The following RNF149 variants were observed in gnomAD, a reference collection of about 807,000 sequenced individuals.
The protein encoded by RNF149 is ring finger protein 149, also known as E3 ubiquitin-protein ligase RNF149.
Under a neutral mutation model 39.0 loss-of-function variants are expected in RNF149, and 21 were observed. That is an observed-to-expected ratio of 0.54 (90% confidence interval 0.38 to 0.77). The LOEUF (loss-of-function observed/expected upper bound fraction) is 0.77. RNF149 is among the 30% of genes least tolerant of loss of function. The pLI, the probability that RNF149 is intolerant of heterozygous loss-of-function variation, is 0.00. For missense variants in RNF149, 493 were observed against 534.9 expected, an observed-to-expected ratio of 0.92 and a Z score of 0.77; for synonymous variants, 209 against 213.6, an observed-to-expected ratio of 0.98 and a Z score of 0.19.
intron 3 of RNF149, 39 bp downstream of exon 3, chr2:101,293,975 C>A: frequency 7.9e-7 from 1 of 1,258,960 alleles, no homozygotes; most frequent in South Asian, 1.3e-5. Context: ...ATTCTCTACT[C>A]TAAACCACAA....
At position 101,276,774 on chromosome 2, in the gene RNF149, A is replaced by G. The variant is rs1023248949; in HGVS notation, c.*464T>C. ...CAGTTTACAAGTTTCAAGTTCTTAA[A>G]AAAAAAACAACAAAAAAAACCTTTC... is the stretch of plus-strand genomic sequence containing the variant. On this transcript the variant is annotated 3_prime_UTR_variant, in exon 7 of 7. Coordinates refer to ENST00000295317, the MANE Select transcript of RNF149 (RefSeq NM_173647.4). 2.0e-6 allele frequency: 2 copies of G among 990,178 alleles called. No individual in the cohort carries two copies. The highest frequency in any genetic ancestry group is 2.4e-6 in the Non-Finnish European group (2 of 832,658). 61.3% of individuals were successfully genotyped at this position (990,178 alleles called of 1,614,324 possible). A position where few individuals can be genotyped will look rare whatever the true frequency, so the allele number is the denominator to read the frequency against.
intron 1 of RNF149, among the ~76,000 whole-genome samples, chr2:101,297,424 C>G (rs942395991): frequency 6.6e-6 from 1 of 152,052 alleles, no homozygotes; most frequent in Non-Finnish European, 1.5e-5. Flanking sequence ...TGGTGGGATC[C>G]TAGCTCAATG....
chr2:101,283,274 G>A (rs551159617), intron 5 of RNF149, among the ~76,000 whole-genome samples: 7 of 152,264 alleles, frequency 4.6e-5, no homozygotes, highest in Admixed American at 1.3e-4. Context: ...CCCCCTACCA[G>A]TCCAGAAAGT....
intron 4 of RNF149, among the ~76,000 whole-genome samples, chr2:101,287,056 T>A (rs1250316017): frequency 6.6e-6 from 1 of 152,224 alleles, no homozygotes; most frequent in Non-Finnish European, 1.5e-5. Context: ...GCATGGTGGC[T>A]CACGCCTGTA....
In RNF149 at chr2:101,276,660, T is replaced by C. The variant is rs1682356318; in HGVS notation, c.*578A>G. ...GCAAATCCTAAAGTCATCTAGTGCC[T>C]TTCTCATAATTCTAAACAAAGAAAA... is the stretch of plus-strand genomic sequence containing the variant. On this transcript the variant is annotated 3_prime_UTR_variant, in exon 7 of 7. Transcript: ENST00000295317. 1.0e-6 allele frequency: 1 copy of C among 985,826 alleles called. No homozygotes were observed. Among genetic ancestry groups the C allele is most frequent in the African/African-American group, 1.7e-5 (1 of 57,314 alleles). The allele number at this position is 985,826 out of a possible 1,614,324, so 61.1% of individuals were successfully genotyped here.
chr2:101,294,647 C>T (rs1683148467), intron 2 of RNF149: 1 of 307,334 alleles, frequency 3.3e-6, no homozygotes, highest in Non-Finnish European at 6.0e-6. Context: ...AGAGAGGCCC[C>T]CCCTTCCATT....
intron 1 of RNF149, among the ~76,000 whole-genome samples, chr2:101,296,108 A>G (rs1396498534): frequency 1.3e-5 from 2 of 152,202 alleles, no homozygotes; most frequent in Non-Finnish European, 2.9e-5. Context: ...ACAAAGTATG[A>G]CTGTATCTCA....
chr2:101,274,686 G>T (rs1484373864), downstream of RNF149, among the ~76,000 whole-genome samples: 1 of 152,248 alleles, frequency 6.6e-6, no homozygotes, highest in Non-Finnish European at 1.5e-5. Flanking sequence ...GCCCTGGGCG[G>T]CAGCAGCATC....
At chr2:101,278,885 G>A (rs1301571021) in intron 6 of RNF149, among the ~76,000 whole-genome samples, 1 of 152,190 alleles carries the variant, frequency 6.6e-6, no homozygotes, top group African/African-American at 2.4e-5. Flanking sequence ...GATGTAACTG[G>A]AGAGTGGAAG....
At chr2:101,298,395 A>T (rs1319258636) in intron 1 of RNF149, among the ~76,000 whole-genome samples, 1 of 152,232 alleles carries the variant, frequency 6.6e-6, no homozygotes. Context: ...ACTGTACTCC[A>T]GCCTGGGCAA....
At chr2:101,274,893 T>A (rs976261824), downstream of RNF149, among the ~76,000 whole-genome samples, 2 of 151,702 alleles carry the variant, frequency 1.3e-5, no homozygotes, top group African/African-American at 4.8e-5. Context: ...TTCAAGAGAA[T>A]CTCCTGCCTC....
At chr2:101,275,440 T>C (rs1191655649), downstream of RNF149, among the ~76,000 whole-genome samples, 12 of 85,174 alleles carry the variant, frequency 1.4e-4, no homozygotes, top group Admixed American at 1.6e-3. Context: ...TCTTTTTTTT[T>C]TTTTTTTTTT....
At chr2:101,284,929 T>C (rs752185481) in intron 5 of RNF149, among the ~76,000 whole-genome samples, 4 of 152,158 alleles carry the variant, frequency 2.6e-5, no homozygotes, top group East Asian at 1.9e-4. Flanking sequence ...GGTTTCACTC[T>C]CATTGCCCAG....
chr2:101,301,299 A>G (rs1426351396), intron 1 of RNF149, among the ~76,000 whole-genome samples: 1 of 151,528 alleles, frequency 6.6e-6, no homozygotes, highest in East Asian at 1.9e-4. Flanking sequence ...TCATAAATCT[A>G]CTTGCTGAAC....
downstream of RNF149, among the ~76,000 whole-genome samples, chr2:101,272,435 A>T (rs141353590): frequency 6.3e-3 from 954 of 152,330 alleles, 4 homozygotes; most frequent in African/African-American, 0.022. Flanking sequence ...ATAACTAGTA[A>T]TCCAAATGTT....
intron 6 of RNF149, chr2:101,281,454 T>G (rs1169573889): frequency 6.2e-6 from 1 of 161,900 alleles, no homozygotes; most frequent in African/African-American, 2.4e-5. Flanking sequence ...CTTTATGTAT[T>G]TCTTTATTTT....
Position 101,292,762 on chromosome 2 carries a change from T to C in RNF149, c.780+1252A>G, listed in dbSNP as rs1403360095. On this transcript the variant is annotated intron_variant, in intron 3 of 6. Transcript: ENST00000295317. ...GCCTGGGTGACAGAGCGAGACTCCA[T>C]CTCAAATGAAGAAAAAAAAAGAACT... 4.0e-5 allele frequency among the ~76,000 whole-genome samples: 6 copies of C among 151,874 alleles called. 1 individual carries two copies. The highest frequency in any genetic ancestry group is 2.0e-4 in the Admixed American group (3 of 15,234).
chr2:101,286,780 G>A (rs1219772067), intron 4 of RNF149, among the ~76,000 whole-genome samples: 1 of 152,198 alleles, frequency 6.6e-6, no homozygotes, highest in African/African-American at 2.4e-5. Context: ...AAGTGATGAA[G>A]AAAAGGAGTT....
chr2:101,294,103 TAC>T (rs746474607), intron 2 of RNF149, 21 bp from the exon 3 acceptor site: 46 of 1,324,680 alleles, frequency 3.5e-5, no homozygotes, highest in Non-Finnish European at 4.0e-5. Flanking sequence ...AAAATATTAA[TAC>T]AGTTATTGAA....
Sources: gnomAD v4.1 joint callset for allele counts (sites outside exome capture counted in the v4.1 genomes callset) on GRCh38, gnomAD v4.1.1 for gene constraint, MANE v1.5 for transcripts, NCBI Gene and HGNC (gene_info 2026-07-23, HGNC 2026-07-21) for gene names.